DSE: variants seen among roughly 807,000 people sequenced by gnomAD.
DSE encodes dermatan-sulfate epimerase.
A neutral mutation model predicts 84.4 loss-of-function variants in DSE; 36 were observed. The observed-to-expected ratio is 0.43, with a 90% CI of 0.33 to 0.56. The LOEUF (loss-of-function observed/expected upper bound fraction) is 0.56. Ranked by LOEUF, DSE falls within the 20% of genes least tolerant of loss-of-function variation. The probability of loss-of-function intolerance (pLI) is 0.06; values close to 1 mark genes in which losing one functional copy is unlikely to be tolerated. For missense variants in DSE, 862 were observed against 1,169.6 expected, an observed-to-expected ratio of 0.74 and a Z score of 3.84; for synonymous variants, 410 against 430.1, an observed-to-expected ratio of 0.95 and a Z score of 0.58.
rs374648194 is a variant in DSE, at chr6:116,443,731, T to G, written c.*6386T>G. On this transcript the variant is annotated 3_prime_UTR_variant, in exon 6 of 6. Transcript: ENST00000644252. ...TAGAATTTCTTAAGAAAAGAGCTTC[T>G]AAAAACATTCAGTCAGCCCAGCACA... 2.6e-5 allele frequency: 4 copies of G among 152,204 alleles called. No individual in the cohort carries two copies. Among genetic ancestry groups the G allele is most frequent in the Admixed American group, 6.5e-5 (1 of 15,276 alleles). The allele number at this position is 152,204 out of a possible 1,614,324, so 9.4% of individuals were successfully genotyped here.
At chr6:116,263,149 T>G (rs1461428595) in intron 2 of DSE, among the ~76,000 whole-genome samples, 1 of 152,188 alleles carries the variant, frequency 6.6e-6, no homozygotes, top group East Asian at 1.9e-4. Flanking sequence ...AGTGCTGAGT[T>G]CAGGTCCTAA....
intron 2 of DSE, among the ~76,000 whole-genome samples, chr6:116,334,106 T>C (rs897470782): frequency 1.3e-5 from 2 of 152,266 alleles, no homozygotes; most frequent in African/African-American, 4.8e-5. Context: ...TACACATTTG[T>C]TTCCCACCAT....
At chr6:116,397,312 G>A (rs1443560325) in intron 1 of DSE, among the ~76,000 whole-genome samples, 3 of 148,404 alleles carry the variant, frequency 2.0e-5, no homozygotes, top group African/African-American at 7.5e-5. Context: ...AGGTTCAAGC[G>A]ATTCCTGCCT....
At chr6:116,272,198 C>T (rs560644807) in intron 2 of DSE, among the ~76,000 whole-genome samples, 4 of 152,270 alleles carry the variant, frequency 2.6e-5, no homozygotes. Flanking sequence ...TTTGTTCATT[C>T]ACTCACTTGT....
At chr6:116,363,161 A>G (rs1321953139) in intron 2 of DSE, among the ~76,000 whole-genome samples, 1 of 152,058 alleles carries the variant, frequency 6.6e-6, no homozygotes, top group Non-Finnish European at 1.5e-5. Flanking sequence ...GTTGTATCCT[A>G]TATCTATTTC....
chr6:116,436,397 G>C lies in DSE; in HGVS notation c.1929G>C (p.Gly643=), dbSNP rs780000299. Reference sequence around the variant, plus strand: ...ATCCTCGGGGCTATCCCTACAATGGGACAAACTATGTGAATGTCACCATGC... The same window carrying C: ...ATCCTCGGGGCTATCCCTACAATGGCACAAACTATGTGAATGTCACCATGC... ...VTYPRGYPYN[G]TNYVNVTMHL... The change falls in exon 6 of 6, where the codon GGG becomes GGC. Residue 643 remains glycine, a synonymous_variant. Coordinates refer to ENST00000644252, the MANE Select transcript of DSE (RefSeq NM_013352.4). The C allele has an allele frequency of 6.2e-7, 1 of 1,614,052 alleles. No individual in the cohort carries two copies. The highest frequency in any genetic ancestry group is 1.7e-5 in the Admixed American group (1 of 60,010).
intron 2 of DSE, among the ~76,000 whole-genome samples, chr6:116,424,451 T>C (rs1783300767): frequency 6.6e-6 from 1 of 152,230 alleles, no homozygotes; most frequent in African/African-American, 2.4e-5. Flanking sequence ...GCTGAAATTA[T>C]TACTAAATAT....
intron 2 of DSE, among the ~76,000 whole-genome samples, chr6:116,424,071 A>G (rs1263659818): frequency 6.6e-6 from 1 of 152,246 alleles, no homozygotes; most frequent in Non-Finnish European, 1.5e-5. Context: ...ACTGGCTGGT[A>G]GCAATTCATT....
intron 2 of DSE, among the ~76,000 whole-genome samples, chr6:116,311,003 G>A (rs922947027): frequency 6.6e-6 from 1 of 152,074 alleles, no homozygotes; most frequent in Non-Finnish European, 1.5e-5. Context: ...TTCTTGCTGC[G>A]CTTCCAGTGT....
chr6:116,397,878 A>T (rs1781358806), intron 1 of DSE, among the ~76,000 whole-genome samples: 4 of 152,238 alleles, frequency 2.6e-5, no homozygotes, highest in Admixed American at 2.6e-4. Flanking sequence ...AAAACTCCAG[A>T]ATAAGGTAGC....
At chr6:116,376,773 G>A (rs1421417590) in intron 1 of DSE, among the ~76,000 whole-genome samples, 2 of 152,144 alleles carry the variant, frequency 1.3e-5, no homozygotes, top group Non-Finnish European at 2.9e-5. Context: ...TTATATTTGG[G>A]AATAGTTATA....
At chr6:116,302,209 A>G (rs934907252) in intron 2 of DSE, among the ~76,000 whole-genome samples, 1 of 152,216 alleles carries the variant, frequency 6.6e-6, no homozygotes, top group African/African-American at 2.4e-5. Flanking sequence ...AGGAATCGCC[A>G]CACTGTCTTC....
At chr6:116,265,636 T>C (rs1772589433) in intron 2 of DSE, among the ~76,000 whole-genome samples, 1 of 151,628 alleles carries the variant, frequency 6.6e-6, no homozygotes, top group Admixed American at 6.6e-5. Flanking sequence ...GCACAGAAGG[T>C]ATGGTGTGGG....
chr6:116,284,303 A>G (rs1224107676), intron 2 of DSE, among the ~76,000 whole-genome samples: 1 of 152,184 alleles, frequency 6.6e-6, no homozygotes, highest in Non-Finnish European at 1.5e-5. Context: ...TATAAACAAC[A>G]TCCAGTGTGT....
intron 2 of DSE, among the ~76,000 whole-genome samples, chr6:116,419,006 C>G (rs936330112): frequency 1.3e-5 from 2 of 152,190 alleles, no homozygotes; most frequent in East Asian, 1.9e-4. Context: ...CCTTTCCCTC[C>G]CTGTGCATTT....
Position 116,436,109 on chromosome 6 carries a change from C to A in DSE, c.1641C>A (p.Pro547=). The change falls in exon 6 of 6, where the codon CCC becomes CCA. Residue 547 remains proline (P), a synonymous_variant. Coordinates refer to ENST00000644252, the MANE Select transcript of DSE (RefSeq NM_013352.4). ...IRGEGVGAYN[P]QLNLKNVQRN... Reference sequence around the variant, plus strand: ...GAGAAGGTGTGGGAGCTTATAACCCCCAGCTCAACCTGAAGAATGTTCAGA... The same window carrying A: ...GAGAAGGTGTGGGAGCTTATAACCCACAGCTCAACCTGAAGAATGTTCAGA... 1 of 1,612,912 alleles carries A rather than the reference C, an allele frequency of 6.2e-7. No homozygotes were observed. The highest frequency in any genetic ancestry group is 8.5e-7 in the Non-Finnish European group (1 of 1,180,012).
chr6:116,322,835 C>G (rs971098616), intron 2 of DSE, among the ~76,000 whole-genome samples: 1 of 152,072 alleles, frequency 6.6e-6, no homozygotes, highest in African/African-American at 2.4e-5. Context: ...AGAGAAGTGG[C>G]AGGGTAGAAG....
Position 116,426,716 on chromosome 6 carries a change from T to C in DSE, c.559T>C (p.Tyr187His). The C allele has an allele frequency of 6.2e-7, 1 of 1,614,136 alleles. No homozygotes were observed. Among genetic ancestry groups the C allele is most frequent in the Non-Finnish European group, 8.5e-7 (1 of 1,180,034 alleles). The change falls in exon 3 of 6, where the codon TAT becomes CAT. Residue 187 changes from tyrosine to histidine, a missense_variant. Around this residue, in one of 4 missense-constraint regions of DSE, gnomAD observed 309 missense variants for 516.9 expected, o/e 0.60. Transcript: ENST00000644252. ...TGAAGTGATTGCCAATGCCTCAGGGTATATGTATGAAACTTCATACAGGAG... is the reference window on the plus strand; with the variant it reads ...TGAAGTGATTGCCAATGCCTCAGGGCATATGTATGAAACTTCATACAGGAG... ...FLEVIANASG[Y>H]MYETSYRRGW...
intron 2 of DSE, among the ~76,000 whole-genome samples, chr6:116,309,974 C>A (rs1775584969): frequency 6.6e-6 from 1 of 152,124 alleles, no homozygotes; most frequent in Admixed American, 6.5e-5. Context: ...AGCATTTAAA[C>A]CATAGCAGTC....
Sources: allele counts gnomAD v4.1 joint callset (sites outside exome capture counted in the v4.1 genomes callset), GRCh38; gene constraint gnomAD v4.1.1; regional missense constraint gnomAD v4.1.1; transcripts MANE v1.5; gene names NCBI Gene and HGNC (gene_info 2026-07-23, HGNC 2026-07-21).